SRSF4: variants seen among roughly 807,000 people sequenced by gnomAD.
The protein encoded by SRSF4 is serine and arginine rich splicing factor 4, also known as serine/arginine-rich splicing factor 4.
A neutral mutation model predicts 48.8 loss-of-function variants in SRSF4; 12 were observed. The observed-to-expected ratio is 0.25, with a 90% confidence interval of 0.16 to 0.40. The LOEUF (loss-of-function observed/expected upper bound fraction) is 0.40, where lower values mean the gene tolerates loss of function less well. Ranked by LOEUF, SRSF4 falls within the 10% of genes least tolerant of loss-of-function variation. The pLI, the probability that SRSF4 is intolerant of heterozygous loss-of-function variation, is 1.00. For missense variants in SRSF4, 466 were observed against 667.1 expected, an observed-to-expected ratio of 0.70 and a Z score of 3.32; for synonymous variants, 248 against 232.5, an observed-to-expected ratio of 1.07 and a Z score of -0.61.
chr1:29,177,707 A>G (rs1019536126), intron 1 of SRSF4, among the ~76,000 whole-genome samples: 12 of 152,134 alleles, frequency 7.9e-5, no homozygotes, highest in African/African-American at 2.7e-4. Context: ...TCTTTCAAAA[A>G]GTTCTCTAGA....
At chr1:29,178,608 G>A (rs915494217) in intron 1 of SRSF4, among the ~76,000 whole-genome samples, 5 of 151,794 alleles carry the variant, frequency 3.3e-5, no homozygotes, top group Non-Finnish European at 5.9e-5. Context: ...TGCCCGCCTC[G>A]GCCTCCCAAA....
intron 1 of SRSF4, among the ~76,000 whole-genome samples, chr1:29,161,854 A>G (rs887074260): frequency 6.6e-6 from 1 of 152,212 alleles, no homozygotes; most frequent in Non-Finnish European, 1.5e-5. Flanking sequence ...GGGCCTCCCA[A>G]AGCGCTAGGA....
At chr1:29,151,976 T>C (rs1005112629) in intron 4 of SRSF4, among the ~76,000 whole-genome samples, 8 of 152,146 alleles carry the variant, frequency 5.3e-5, no homozygotes, top group Non-Finnish European at 1.2e-4. Flanking sequence ...ATTGCAAAAA[T>C]ACCTATTTGA....
In SRSF4 at chr1:29,173,315, A is replaced by ATT. The variant is rs373075196; in HGVS notation, c.107+8329_107+8330dup. The ATT allele has an allele frequency of 9.0e-4, 128 of 142,844 alleles. No homozygotes were observed. In the East Asian group the frequency reaches 0.017, roughly 19 times the overall value. 8.8% of individuals were successfully genotyped at this position (142,844 alleles called of 1,614,324 possible). On this transcript the variant is annotated intron_variant, in intron 1 of 5. Coordinates refer to ENST00000373795, the MANE Select transcript of SRSF4 (RefSeq NM_005626.5). ...AACAGGCCCGGCTAATTTTTTTTGT[A>ATT]TTTTTTTTTTAGTAGAGATAGGGTT...
intron 3 of SRSF4, 30 bp downstream of exon 3, chr1:29,159,344 C>G: frequency 6.4e-7 from 1 of 1,551,000 alleles, no homozygotes; most frequent in Non-Finnish European, 8.9e-7. Flanking sequence ...CCTGCCCAAC[C>G]TTACCCCAAA....
chr1:29,150,352 C>T (rs943133103), intron 4 of SRSF4, among the ~76,000 whole-genome samples, 160 bp from the exon 5 acceptor site: 4 of 152,080 alleles, frequency 2.6e-5, no homozygotes, highest in Admixed American at 6.6e-5. Context: ...ACAACCTCCA[C>T]CTCCTGAGTT....
At chr1:29,156,478 A>G (rs1558388332) in intron 3 of SRSF4, among the ~76,000 whole-genome samples, 1 of 152,330 alleles carries the variant, frequency 6.6e-6, no homozygotes, top group East Asian at 1.9e-4. Context: ...TTATATATAA[A>G]ATTCACTAAA....
At chr1:29,159,685 G>T (rs1267027075) in intron 2 of SRSF4, 199 bp from the exon 3 acceptor site, 5 of 415,480 alleles carry the variant, frequency 1.2e-5, no homozygotes, top group Non-Finnish European at 2.2e-5. Context: ...TTAAAAAGTT[G>T]TAAGTATACA....
intron 1 of SRSF4, among the ~76,000 whole-genome samples, chr1:29,162,893 A>T (rs1052865252): frequency 1.3e-5 from 2 of 152,200 alleles, no homozygotes; most frequent in African/African-American, 4.8e-5. Context: ...TGAAATAGAA[A>T]GCCCAGTGGC....
intron 1 of SRSF4, chr1:29,168,874 A>C (rs1284525075): frequency 6.6e-6 from 1 of 152,218 alleles, no homozygotes; most frequent in East Asian, 1.9e-4. Flanking sequence ...AAAAAATATA[A>C]GCGTGAATGG....
chr1:29,161,274 T>C (rs1558389711), intron 1 of SRSF4, among the ~76,000 whole-genome samples: 1 of 152,198 alleles, frequency 6.6e-6, no homozygotes, highest in Non-Finnish European at 1.5e-5. Flanking sequence ...AGTGCAAAAT[T>C]TGTAAGATAC....
chr1:29,181,835 C>A lies in SRSF4; in HGVS notation c.-83G>T. ...CAAAGCGAGAGCACGGCGGCAGCGG[C>A]GGCGGCGGCAACGGGCGGGCGGCGG... On this transcript the variant is annotated 5_prime_UTR_variant, in exon 1 of 6. Coordinates refer to ENST00000373795, the MANE Select transcript of SRSF4 (RefSeq NM_005626.5). 2 of 1,210,604 alleles carry A rather than the reference C, an allele frequency of 1.7e-6. No homozygotes were observed. The highest frequency in any genetic ancestry group is 2.1e-5 in the South Asian group (1 of 48,780). 75.0% of individuals were successfully genotyped at this position (1,210,604 alleles called of 1,614,324 possible).
In SRSF4 at chr1:29,153,821, G is replaced by A. The variant is rs1317191131; in HGVS notation, c.578+875C>T. Among the ~76,000 whole-genome samples the A allele has an allele frequency of 3.3e-5, 5 of 151,848 alleles. No individual in the cohort carries two copies. The South Asian group carries it at 6.2e-4, about 19-fold the overall frequency. On this transcript the variant is annotated intron_variant, in intron 4 of 5. Coordinates refer to ENST00000373795, the MANE Select transcript of SRSF4 (RefSeq NM_005626.5). Reference sequence around the variant, plus strand: ...GTTTCTCCATATTGAGGCTGGTCTCGAACTCCTGACCTCAGGTGATCTGCC... The same window carrying A: ...GTTTCTCCATATTGAGGCTGGTCTCAAACTCCTGACCTCAGGTGATCTGCC...
chr1:29,177,133 C>T (rs1672880022), intron 1 of SRSF4, among the ~76,000 whole-genome samples: 1 of 152,258 alleles, frequency 6.6e-6, no homozygotes, highest in Middle Eastern at 3.4e-3. Context: ...CATGAAATGG[C>T]TTATTATAAA....
At chr1:29,149,262 G>T in intron 5 of SRSF4, 36 bp from the exon 6 acceptor site, 1 of 1,593,744 alleles carries the variant, frequency 6.3e-7, no homozygotes, top group South Asian at 1.1e-5. Context: ...TGTCACATGT[G>T]ACTTCATGCT....
At chr1:29,164,048 A>C (rs1672635390) in intron 1 of SRSF4, among the ~76,000 whole-genome samples, 1 of 152,230 alleles carries the variant, frequency 6.6e-6, no homozygotes, top group South Asian at 2.1e-4. Flanking sequence ...ATGGGGTCTC[A>C]ATATGTTATC....
chr1:29,151,686 G>A (rs780184247), intron 4 of SRSF4, among the ~76,000 whole-genome samples: 2 of 152,162 alleles, frequency 1.3e-5, no homozygotes, highest in Non-Finnish European at 2.9e-5. Flanking sequence ...AATATGGCCT[G>A]GGCATTTAGT....
At chr1:29,151,219 G>C (rs1672403589) in intron 4 of SRSF4, among the ~76,000 whole-genome samples, 1 of 152,158 alleles carries the variant, frequency 6.6e-6, no homozygotes, top group African/African-American at 2.4e-5. Context: ...TGTTTAACCT[G>C]CATCTCAATC....
At chr1:29,158,488 G>A (rs1403236171) in intron 3 of SRSF4, among the ~76,000 whole-genome samples, 1 of 150,440 alleles carries the variant, frequency 6.6e-6, no homozygotes. Context: ...GGAGTGCAGT[G>A]GCATGATTTT....
Sources: gnomAD v4.1 joint callset for allele counts (sites outside exome capture counted in the v4.1 genomes callset) on GRCh38, gnomAD v4.1.1 for gene constraint, MANE v1.5 for transcripts, NCBI Gene and HGNC (gene_info 2026-07-23, HGNC 2026-07-21) for gene names.